The following CBR4 variants were observed in gnomAD, a reference collection of about 807,000 sequenced individuals.
CBR4 encodes the protein 3-oxoacyl-[acyl-carrier-protein] reductase.
CBR4 carries 22 observed loss-of-function variants against 21.0 expected under a neutral mutation model. The observed-to-expected ratio is 1.05, with a 90% confidence interval of 0.75 to 1.50. CBR4 has a LOEUF of 1.50. Ranked by LOEUF, CBR4 falls within the 40% of genes most tolerant of loss-of-function variation. The pLI, the probability that CBR4 is intolerant of heterozygous loss-of-function variation, is 0.00. For missense variants in CBR4, 302 were observed against 286.3 expected (o/e 1.05, Z -0.40); for synonymous variants, 100 against 104.4 (o/e 0.96, Z 0.26).
chr4:168,924,834 A>G, intron 2 of CBR4: 1 of 1,065,738 alleles, frequency 9.4e-7, no homozygotes, highest in Non-Finnish European at 1.4e-6. Context: ...TGACCCTATT[A>G]TCAGCTACTT....
At chr4:169,005,764 T>G in intron 3 of CBR4, 1 of 604,300 alleles carries the variant, frequency 1.7e-6, no homozygotes, top group Non-Finnish European at 2.6e-6. Context: ...TCCAAAATGC[T>G]CTCATGTCCC....
intron 2 of CBR4, among the ~76,000 whole-genome samples, chr4:168,918,103 G>A (rs1207433100): frequency 6.6e-6 from 1 of 151,832 alleles, no homozygotes; most frequent in Non-Finnish European, 1.5e-5. Flanking sequence ...GGGGGCTGAG[G>A]CAGGGGAATC....
chr4:168,965,803 A>G (rs946137802), intron 2 of CBR4, among the ~76,000 whole-genome samples: 11 of 152,198 alleles, frequency 7.2e-5, no homozygotes, highest in Admixed American at 2.0e-4. Flanking sequence ...AAACCCTAGA[A>G]GAAAACCTAG....
intron 2 of CBR4, among the ~76,000 whole-genome samples, chr4:168,914,783 T>C (rs1759760836): frequency 6.6e-6 from 1 of 152,210 alleles, no homozygotes; most frequent in African/African-American, 2.4e-5. Flanking sequence ...GTGAAGAGAA[T>C]ACATAGTTAG....
chr4:168,903,941 G>A, intron 2 of CBR4: 1 of 1,589,910 alleles, frequency 6.3e-7, no homozygotes, highest in Non-Finnish European at 8.6e-7. Context: ...TCAGTTCTGT[G>A]TCTAGTGCTT....
chr4:168,908,122 G>A (rs1758189143), intron 2 of CBR4, among the ~76,000 whole-genome samples: 1 of 152,200 alleles, frequency 6.6e-6, no homozygotes, highest in Non-Finnish European at 1.5e-5. Flanking sequence ...TTTGTTCCAA[G>A]TTTCTGAGCA....
chr4:169,007,828 CATCT>C (rs1490050788), intron 1 of CBR4, 72 bp from the exon 2 acceptor site: 5 of 1,148,920 alleles, frequency 4.4e-6, no homozygotes, highest in South Asian at 2.9e-5. Flanking sequence ...ATTTGTTAAG[CATCT>C]ATCTAAGATG....
At chr4:168,961,332 TTC>T (rs910375165) in intron 2 of CBR4, among the ~76,000 whole-genome samples, 10 of 152,206 alleles carry the variant, frequency 6.6e-5, no homozygotes, top group South Asian at 2.1e-4. Context: ...TCTAAATTTA[TTC>T]TGTCTTGTAT....
At position 168,990,324 on chromosome 4, in the gene CBR4, A is replaced by C; in HGVS notation, c.540T>G (p.Phe180Leu). Residue 180 changes from phenylalanine to leucine, a missense_variant, in exon 5 of 5, where the codon TTT becomes TTG. Physicochemically the swap from Phe to Leu is conservative, Grantham distance 22 (BLOSUM62 0). Transcript: ENST00000306193. ...KIRVNVVAPG[F>L]VHTDMTKDLK... ...AGTCTTTCGTCATATCTGTGTGTACAAATCCTAAAAGAGAAATGTTTGTTT... is the reference window on the plus strand; with the variant it reads ...AGTCTTTCGTCATATCTGTGTGTACCAATCCTAAAAGAGAAATGTTTGTTT... 1 of 1,597,888 alleles carries C rather than the reference A, an allele frequency of 6.3e-7. No individual in the cohort carries two copies. Among genetic ancestry groups the C allele is most frequent in the Non-Finnish European group, 8.5e-7 (1 of 1,171,626 alleles).
intron 2 of CBR4, among the ~76,000 whole-genome samples, chr4:168,943,680 C>T (rs577591898): frequency 1.4e-3 from 213 of 152,168 alleles, no homozygotes; most frequent in Middle Eastern, 3.4e-3. Context: ...GAGGCTGAGA[C>T]GGGTGGATCA....
At position 168,989,113 on chromosome 4, in the gene CBR4, T is replaced by C. The variant is rs529074629; in HGVS notation, c.*1037A>G. ...TGTAAAGACATTTAATTTAATGTTA[T>C]TGCATATTTATTTATTTTTTATGCT... On this transcript the variant is annotated 3_prime_UTR_variant, in exon 5 of 5. Transcript: ENST00000306193. 28 of 978,256 alleles carry C rather than the reference T, an allele frequency of 2.9e-5. No homozygotes were observed. The African/African-American group carries it at 3.8e-4, about 13-fold the overall frequency. The allele number at this position is 978,256 out of a possible 1,614,324, so 60.6% of individuals were successfully genotyped here.
chr4:169,006,943 A>C (rs1171211591), intron 2 of CBR4, 52 bp from the exon 3 acceptor site: 1 of 1,451,530 alleles, frequency 6.9e-7, no homozygotes, highest in Admixed American at 1.7e-5. Context: ...TAAAAACCAA[A>C]AAGGTCAAGA....
intron 2 of CBR4, among the ~76,000 whole-genome samples, chr4:168,961,585 T>TAAAAG (rs1037906171): frequency 9.2e-5 from 14 of 151,800 alleles, no homozygotes; most frequent in African/African-American, 1.5e-4. Flanking sequence ...ACACTATATT[T>TAAAAG]AAAAGAAAAG....
intron 4 of CBR4, among the ~76,000 whole-genome samples, chr4:168,998,286 C>T (rs1765301225): frequency 6.6e-6 from 1 of 152,152 alleles, no homozygotes; most frequent in African/African-American, 2.4e-5. Flanking sequence ...AGTATTGTCA[C>T]TGCATCATTA....
intron 2 of CBR4, among the ~76,000 whole-genome samples, chr4:168,905,790 CTTTT>C (rs59427697): frequency 2.7e-5 from 3 of 113,128 alleles, no homozygotes; most frequent in African/African-American, 3.2e-5. Flanking sequence ...GCTTTTTTTT[CTTTT>C]TTTTTTTTTT....
At chr4:168,961,497 A>G (rs1011006305) in intron 2 of CBR4, among the ~76,000 whole-genome samples, 1 of 152,206 alleles carries the variant, frequency 6.6e-6, no homozygotes, top group Non-Finnish European at 1.5e-5. Context: ...GTAAAATTCA[A>G]TATGTGTACT....
In CBR4 at chr4:168,906,301, G is replaced by A. The variant is rs972273253; in HGVS notation, n.170-11536C>T. 1.6e-4 allele frequency among the ~76,000 whole-genome samples: 24 copies of A among 152,138 alleles called. 1 individual carries two copies. The highest frequency in any genetic ancestry group is 5.9e-4 in the Admixed American group (9 of 15,274). On this transcript the variant is annotated intron_variant and non_coding_transcript_variant, in intron 2 of 3. Transcript: ENST00000509108. ...TTTTATAGAACAAAAGAACATAAAC[G>A]TAAAACTGCAATTGTGAGTCCGCTT...
chr4:168,925,029 C>A lies in CBR4; in HGVS notation n.170-30264G>T, dbSNP rs752802030. On this transcript the variant is annotated intron_variant and non_coding_transcript_variant, in intron 2 of 3. Coordinates refer to the CBR4 transcript ENST00000509108. ...ATGCTGGGTGGTATACTGTGTCAGCCAAGAATGAAGCAGGGATTGTGTCCT... is the reference window on the plus strand; with the variant it reads ...ATGCTGGGTGGTATACTGTGTCAGCAAAGAATGAAGCAGGGATTGTGTCCT... 7 of 1,614,020 alleles carry A rather than the reference C, an allele frequency of 4.3e-6. No individual in the cohort carries two copies. The highest frequency in any genetic ancestry group is 5.9e-6 in the Non-Finnish European group (7 of 1,179,948).
At chr4:168,944,232 G>A (rs1483565990) in intron 2 of CBR4, among the ~76,000 whole-genome samples, 2 of 152,048 alleles carry the variant, frequency 1.3e-5, no homozygotes, top group African/African-American at 2.4e-5. Flanking sequence ...ATGGCTTGAA[G>A]CCAGGAGTTT....
Sources: allele counts gnomAD v4.1 joint callset (sites outside exome capture counted in the v4.1 genomes callset), GRCh38; gene constraint gnomAD v4.1.1; transcripts MANE v1.5; gene names NCBI Gene and HGNC (gene_info 2026-07-23, HGNC 2026-07-21).